Variants in MYH14 observed in about 807,000 individuals in gnomAD.
MYH14 encodes myosin heavy chain 14, also known as myosin-14.
MYH14 carries 123 observed loss-of-function variants against 255.5 expected under a neutral mutation model. The observed-to-expected ratio is 0.48, with a 90% CI of 0.42 to 0.56. MYH14 has a LOEUF of 0.56. MYH14 is among the 20% of genes least tolerant of loss of function. The pLI is 0.00. For missense variants in MYH14, 2,423 were observed against 2,802.3 expected, an observed-to-expected ratio of 0.86 and a Z score of 3.06; for synonymous variants, 1,095 against 1,161.2, an observed-to-expected ratio of 0.94 and a Z score of 1.16.
At chr19:50,279,598 G>A (rs142030137) in intron 30 of MYH14, among the ~76,000 whole-genome samples, 2 of 152,290 alleles carry the variant, frequency 1.3e-5, no homozygotes, top group South Asian at 2.1e-4. Flanking sequence ...GCACCATTGC[G>A]CTCTAGCCTG....
intron 37 of MYH14, among the ~76,000 whole-genome samples, chr19:50,292,877 C>T (rs1477469400): frequency 6.6e-6 from 1 of 150,654 alleles, no homozygotes; most frequent in Non-Finnish European, 1.5e-5. Context: ...AGTCAGAAGG[C>T]AGGAGGGAGA....
chr19:50,224,319 A>G, intron 6 of MYH14, 142 bp downstream of exon 6: 2 of 1,111,558 alleles, frequency 1.8e-6, no homozygotes, highest in South Asian at 2.5e-5. Context: ...ACTGCTATTC[A>G]TGGCGGCCCT....
chr19:50,305,921 G>A (rs1419436084), intron 40 of MYH14, among the ~76,000 whole-genome samples: 1 of 152,022 alleles, frequency 6.6e-6, no homozygotes, highest in Non-Finnish European at 1.5e-5. Context: ...AACAGAGCAA[G>A]GCCCTTTCTC....
intron 24 of MYH14, among the ~76,000 whole-genome samples, chr19:50,268,926 A>C (rs1054085840): frequency 6.6e-6 from 1 of 152,136 alleles, no homozygotes; most frequent in Non-Finnish European, 1.5e-5. Flanking sequence ...TCTAGTGTGT[A>C]TTTTACACTA....
intron 29 of MYH14, among the ~76,000 whole-genome samples, chr19:50,277,815 G>A (rs1255643297): frequency 6.6e-6 from 1 of 152,084 alleles, no homozygotes; most frequent in Non-Finnish European, 1.5e-5. Context: ...TACTTGGGAG[G>A]CTGAGACAGG....
chr19:50,215,502 A>G (rs1284327725), intron 2 of MYH14, among the ~76,000 whole-genome samples: 3 of 152,156 alleles, frequency 2.0e-5, no homozygotes, highest in South Asian at 2.1e-4. Flanking sequence ...GTGCTTGAGA[A>G]GCTCAAGCTC....
At chr19:50,251,506 TATATATATACACACTACACACAC>T (rs1568500333) in intron 15 of MYH14, among the ~76,000 whole-genome samples, 3,716 of 124,966 alleles carry the variant, frequency 0.03, 54 homozygotes, top group Middle Eastern at 0.051. Flanking sequence ...TATACACACA[TATATATATACACACTACACACAC>T]ACACACACAC....
Position 50,261,571 on chromosome 19 carries a change from G to T in MYH14, c.2521G>T (p.Asp841Tyr). The change falls in exon 21 of 43, where the codon GAC becomes TAC. Residue 841 changes from aspartate (D) to tyrosine (Y), a missense_variant. Transcript: ENST00000642316. ...GVLAQLEEER[D>Y]LKVTDIIVSF... ...CCTGGCCCAGCTGGAAGAGGAGCGAGACCTGAAGGTCACCGACATCATCGT... is the reference window on the plus strand; with the variant it reads ...CCTGGCCCAGCTGGAAGAGGAGCGATACCTGAAGGTCACCGACATCATCGT... The T allele has an allele frequency of 6.2e-7, 1 of 1,603,112 alleles. No individual in the cohort carries two copies. Among genetic ancestry groups the T allele is most frequent in the South Asian group, 1.1e-5 (1 of 89,706 alleles).
chr19:50,287,701 C>T (rs1269520652), intron 34 of MYH14, among the ~76,000 whole-genome samples: 3 of 152,342 alleles, frequency 2.0e-5, no homozygotes, highest in Non-Finnish European at 4.4e-5. Context: ...GCATGAGCCA[C>T]TGCACCTTGC....
chr19:50,279,627 C>G (rs1355084788), intron 30 of MYH14, among the ~76,000 whole-genome samples: 3 of 152,252 alleles, frequency 2.0e-5, no homozygotes, highest in Non-Finnish European at 4.4e-5. Context: ...GAGTGAAACT[C>G]TGTCTCAAAA....
Position 50,223,472 on chromosome 19 carries a change from C to T in MYH14, c.693+123C>T, listed in dbSNP as rs2032942515. 9.6e-6 allele frequency: 7 copies of T among 729,264 alleles called. No homozygotes were observed. The East Asian group carries it at 1.6e-4, about 17-fold the overall frequency. The allele number at this position is 729,264 out of a possible 1,614,324, so 45.2% of individuals were successfully genotyped here. ...TCCTTCTCCTAGACGCCTATGCCACCTGAGCACCTACTGTGTGCCTGGGGT... is the reference window on the plus strand; with the variant it reads ...TCCTTCTCCTAGACGCCTATGCCACTTGAGCACCTACTGTGTGCCTGGGGT... On this transcript the variant is annotated intron_variant, in intron 5 of 42. Coordinates refer to ENST00000642316, the MANE Select transcript of MYH14 (RefSeq NM_001145809.2).
At chr19:50,248,775 A>G (rs2034235782) in intron 12 of MYH14, among the ~76,000 whole-genome samples, 1 of 152,220 alleles carries the variant, frequency 6.6e-6, no homozygotes, top group Admixed American at 6.5e-5. Context: ...GGGCTAACAC[A>G]TCCGAGCCCG....
intron 27 of MYH14, 56 bp downstream of exon 27, chr19:50,272,787 C>A: frequency 6.6e-7 from 1 of 1,517,218 alleles, no homozygotes; most frequent in Non-Finnish European, 8.9e-7. Flanking sequence ...GGCCAGCCAG[C>A]GTGGGGTGCC....
chr19:50,262,672 G>C (rs2034927867), intron 21 of MYH14, among the ~76,000 whole-genome samples: 1 of 152,056 alleles, frequency 6.6e-6, no homozygotes, highest in African/African-American at 2.4e-5. Flanking sequence ...TCAGCTCTGG[G>C]TGTAGAAAGA....
At chr19:50,262,199 T>A (rs1032642779) in intron 21 of MYH14, among the ~76,000 whole-genome samples, 4 of 152,064 alleles carry the variant, frequency 2.6e-5, no homozygotes, top group Non-Finnish European at 5.9e-5. Context: ...GACCCAACGA[T>A]GCAAGATCCT....
rs757120692 is a variant in MYH14, at chr19:50,210,356, C to T, written c.-3-7C>T. On this transcript the variant is annotated splice_polypyrimidine_tract_variant and splice_region_variant and intron_variant, in intron 1 of 42. Coordinates refer to ENST00000642316, the MANE Select transcript of MYH14 (RefSeq NM_001145809.2). Reference sequence around the variant, plus strand: ...CTGACCCCCACCCTCTTTCTTTGCCCCTGCAGACCATGGCAGCCGTGACCA... The same window carrying T: ...CTGACCCCCACCCTCTTTCTTTGCCTCTGCAGACCATGGCAGCCGTGACCA... The T allele has an allele frequency of 8.2e-6, 13 of 1,582,870 alleles. No homozygotes were observed. In the East Asian group the frequency reaches 2.6e-4, roughly 32 times the overall value.
chr19:50,224,238 G>C lies in MYH14; in HGVS notation c.717+61G>C, dbSNP rs2032991989. The C allele has an allele frequency of 1.8e-5, 29 of 1,611,724 alleles. No individual in the cohort carries two copies. The South Asian group carries it at 2.7e-4, about 15-fold the overall frequency. On this transcript the variant is annotated intron_variant, in intron 6 of 42. Coordinates refer to ENST00000642316, the MANE Select transcript of MYH14 (RefSeq NM_001145809.2). Reference sequence around the variant, plus strand: ...CCTAATGCCTTCCCGGCCACCCAATGCATGATCTTCTTGGTAGACAGGGCC... The same window carrying C: ...CCTAATGCCTTCCCGGCCACCCAATCCATGATCTTCTTGGTAGACAGGGCC...
intron 8 of MYH14, among the ~76,000 whole-genome samples, chr19:50,229,507 T>C (rs2033269403): frequency 1.3e-5 from 2 of 151,942 alleles, no homozygotes; most frequent in African/African-American, 4.8e-5. Flanking sequence ...CCAGGTGTGG[T>C]TGTGCACACC....
intron 1 of MYH14, among the ~76,000 whole-genome samples, chr19:50,209,815 G>T (rs2032058999): frequency 6.9e-6 from 1 of 145,158 alleles, no homozygotes. Context: ...TAATTAGCCG[G>T]GGCCGGGTGT....
Sources: gnomAD v4.1 joint callset for allele counts (sites outside exome capture counted in the v4.1 genomes callset) on GRCh38, gnomAD v4.1.1 for gene constraint, MANE v1.5 for transcripts, NCBI Gene and HGNC (gene_info 2026-07-23, HGNC 2026-07-21) for gene names.